PDE4B: variants seen among roughly 807,000 people sequenced by gnomAD.
PDE4B encodes 3',5'-cyclic-AMP phosphodiesterase 4B.
Under a neutral mutation model 82.2 loss-of-function variants are expected in PDE4B, and 20 were observed. The ratio of observed to expected loss-of-function variants is 0.24; its 90% CI spans 0.17 to 0.35. PDE4B has a LOEUF of 0.35. Among genes scored for constraint, PDE4B ranks in the 10% least tolerant of loss-of-function variants. The probability of loss-of-function intolerance (pLI) is 1.00; values close to 1 mark genes in which losing one functional copy is unlikely to be tolerated. For synonymous variants in PDE4B, 320 were observed against 318.9 expected (o/e 1.00, Z -0.04); for missense variants, 655 against 907.2 (o/e 0.72, Z 3.57).
intron 3 of PDE4B, among the ~76,000 whole-genome samples, chr1:66,200,150 A>C (rs1029407036): frequency 7.2e-5 from 11 of 152,164 alleles, no homozygotes; most frequent in African/African-American, 2.7e-4. Context: ...AAGATCAGAT[A>C]GTTGTAGATA....
intron 1 of PDE4B, among the ~76,000 whole-genome samples, chr1:65,887,210 C>CTT: frequency 7.1e-5 from 1 of 14,152 alleles, no homozygotes; most frequent in Non-Finnish European, 1.2e-4. Context: ...TTCTTTCTTT[C>CTT]TTTCTTTCTT....
chr1:65,992,443 G>A (rs1651296543), intron 3 of PDE4B: 1 of 154,098 alleles, frequency 6.5e-6, no homozygotes, highest in Non-Finnish European at 1.4e-5. Context: ...CGGATTCTGG[G>A]TCTGCTCTTT....
At position 66,098,265 on chromosome 1, in the gene PDE4B, A is replaced by G. The variant is rs1645155752; in HGVS notation, c.282-149195A>G. Among the ~76,000 whole-genome samples, 3 of 152,236 alleles carry G rather than the reference A, an allele frequency of 2.0e-5. No individual in the cohort carries two copies. The South Asian group carries it at 6.2e-4, about 32-fold the overall frequency. ...CTCTGGTACTTGTTCTTGCAATTAT[A>G]GCCATTTGGCCTTCCATAAACTCTG... On this transcript the variant is annotated intron_variant, in intron 3 of 16. Transcript: ENST00000341517.
At chr1:66,342,996 G>T (rs958060902) in intron 8 of PDE4B, among the ~76,000 whole-genome samples, 4 of 152,112 alleles carry the variant, frequency 2.6e-5, no homozygotes, top group Non-Finnish European at 4.4e-5. Flanking sequence ...AGTGCACCAA[G>T]ATCGCACTAC....
intron 1 of PDE4B, among the ~76,000 whole-genome samples, chr1:65,842,021 G>T (rs1448574897): frequency 1.3e-5 from 2 of 152,080 alleles, no homozygotes; most frequent in African/African-American, 4.8e-5. Flanking sequence ...AATCAACTTA[G>T]TCTTTCCCTT....
chr1:66,011,703 T>C (rs1487437229), intron 3 of PDE4B, among the ~76,000 whole-genome samples: 2 of 152,028 alleles, frequency 1.3e-5, no homozygotes, highest in African/African-American at 4.8e-5. Flanking sequence ...TTACTACAGG[T>C]GGGACAAAGT....
chr1:66,095,634 C>A (rs1645100212), intron 3 of PDE4B, among the ~76,000 whole-genome samples: 1 of 151,944 alleles, frequency 6.6e-6, no homozygotes, highest in Non-Finnish European at 1.5e-5. Context: ...ATTTGCTGAA[C>A]TCCTAGTGTG....
chr1:66,201,059 T>C (rs1570455593), intron 3 of PDE4B, among the ~76,000 whole-genome samples: 1 of 152,174 alleles, frequency 6.6e-6, no homozygotes. Context: ...GAATGAAGCA[T>C]TGTTGAATTT....
chr1:66,032,283 G>C (rs1653819646), intron 3 of PDE4B, among the ~76,000 whole-genome samples: 1 of 152,202 alleles, frequency 6.6e-6, no homozygotes, highest in African/African-American at 2.4e-5. Flanking sequence ...TTGGCAGTAT[G>C]ATGAAGCCAT....
intron 3 of PDE4B, among the ~76,000 whole-genome samples, chr1:66,160,355 T>G (rs1264111434): frequency 6.6e-6 from 1 of 152,234 alleles, no homozygotes. Flanking sequence ...TTTGCTTATG[T>G]CTATTTAATT....
At chr1:66,089,237 T>C (rs1221510314) in intron 3 of PDE4B, among the ~76,000 whole-genome samples, 1 of 152,126 alleles carries the variant, frequency 6.6e-6, no homozygotes, top group South Asian at 2.1e-4. Flanking sequence ...AGACAAGGTA[T>C]ACAAAGTACC....
chr1:66,114,142 G>A (rs1196507308), intron 3 of PDE4B, among the ~76,000 whole-genome samples: 2 of 152,224 alleles, frequency 1.3e-5, no homozygotes, highest in South Asian at 2.1e-4. Context: ...GCCCTTCCAC[G>A]ATGTGAGGAC....
intron 3 of PDE4B, among the ~76,000 whole-genome samples, chr1:66,235,920 A>G (rs1652393716): frequency 6.6e-6 from 1 of 152,220 alleles, no homozygotes; most frequent in African/African-American, 2.4e-5. Context: ...ACAGTAATGT[A>G]CAGAAACAGC....
intron 3 of PDE4B, among the ~76,000 whole-genome samples, chr1:65,982,419 G>T (rs1026034305): frequency 3.3e-5 from 5 of 152,176 alleles, no homozygotes; most frequent in African/African-American, 1.2e-4. Context: ...ACCAGAGTGT[G>T]AAGACTGGAA....
At chr1:66,294,650 T>C (rs896139981) in intron 7 of PDE4B, among the ~76,000 whole-genome samples, 1 of 152,164 alleles carries the variant, frequency 6.6e-6, no homozygotes, top group Non-Finnish European at 1.5e-5. Flanking sequence ...TTCTTGTCTA[T>C]CTGTATTTTA....
intron 3 of PDE4B, among the ~76,000 whole-genome samples, chr1:66,166,041 T>C (rs1451181262): frequency 2.0e-5 from 3 of 152,124 alleles, no homozygotes; most frequent in South Asian, 2.1e-4. Context: ...GGTAGACATA[T>C]ACAGATTAAT....
In PDE4B at chr1:65,799,414, A is replaced by G. The variant is rs577541995; in HGVS notation, c.-71+6166A>G. Among the ~76,000 whole-genome samples the G allele has an allele frequency of 6.6e-5, 10 of 152,280 alleles. No individual in the cohort carries two copies. The East Asian group carries it at 1.4e-3, about 21-fold the overall frequency. ...TTTTTTAACAAGAAAAACTACTTCA[A>G]TAAGTTGGGAGGACATGATTTTTTT... On this transcript the variant is annotated intron_variant, in intron 1 of 16. Transcript: ENST00000341517.
chr1:66,014,495 T>TTCTTTTGCAGTATCCAGTA (rs1184406405), intron 3 of PDE4B, among the ~76,000 whole-genome samples: 2 of 152,114 alleles, frequency 1.3e-5, no homozygotes, highest in Non-Finnish European at 2.9e-5. Context: ...TCCAACTGCT[T>TTCTTTTGCAGTATCCAGTA]TCTTTTGCAG....
intron 3 of PDE4B, among the ~76,000 whole-genome samples, chr1:66,086,301 A>G (rs1279916167): frequency 6.6e-6 from 1 of 152,162 alleles, no homozygotes; most frequent in Non-Finnish European, 1.5e-5. Flanking sequence ...GTGCTAATTT[A>G]AAATTCCTCG....
Sources: gnomAD v4.1 joint callset for allele counts (sites outside exome capture counted in the v4.1 genomes callset) on GRCh38, gnomAD v4.1.1 for gene constraint, MANE v1.5 for transcripts, NCBI Gene and HGNC (gene_info 2026-07-23, HGNC 2026-07-21) for gene names.